GPC5: variants seen among roughly 807,000 people sequenced by gnomAD.
The protein encoded by GPC5 is glypican 5.
In GPC5, 47 loss-of-function variants were observed where a neutral mutation model predicts 53.9. That is an observed-to-expected ratio of 0.87 (90% CI 0.69 to 1.11). The LOEUF is 1.11. GPC5 is among the 50% of genes most tolerant of loss of function. The probability of loss-of-function intolerance (pLI) is 0.00; values close to 1 mark genes in which losing one functional copy is unlikely to be tolerated. For synonymous variants in GPC5, 286 were observed against 263.3 expected (o/e 1.09, Z -0.84); for missense variants, 748 against 713.1 (o/e 1.05, Z -0.56).
intron 1 of GPC5, among the ~76,000 whole-genome samples, chr13:91,430,472 T>A (rs1879366112): frequency 6.6e-6 from 1 of 152,136 alleles, no homozygotes; most frequent in Non-Finnish European, 1.5e-5. Flanking sequence ...CTGAGAGAAG[T>A]TTTTCTTCCT....
intron 7 of GPC5, among the ~76,000 whole-genome samples, chr13:92,507,313 C>G (rs1379873916): frequency 6.6e-6 from 1 of 152,188 alleles, no homozygotes; most frequent in East Asian, 1.9e-4. Context: ...TTACTTTTTT[C>G]TCTTGCCAGC....
intron 2 of GPC5, among the ~76,000 whole-genome samples, chr13:91,565,831 G>T (rs1475342333): frequency 1.3e-5 from 2 of 152,110 alleles, no homozygotes; most frequent in East Asian, 3.9e-4. Context: ...TGAAATCCAG[G>T]TGTCTGTGGG....
chr13:92,136,437 A>G (rs931981485), intron 6 of GPC5, among the ~76,000 whole-genome samples: 4 of 152,178 alleles, frequency 2.6e-5, no homozygotes, highest in African/African-American at 9.7e-5. Flanking sequence ...TAATTTTTCT[A>G]TACCTTCAGT....
At chr13:91,845,323 C>CTTT (rs999579940) in intron 5 of GPC5, among the ~76,000 whole-genome samples, 23 of 151,624 alleles carry the variant, frequency 1.5e-4, no homozygotes, top group African/African-American at 5.6e-4. Flanking sequence ...ATCGTTTAGT[C>CTTT]TTTTTTCAGC....
chr13:91,966,544 A>C (rs569334920), intron 6 of GPC5, among the ~76,000 whole-genome samples: 1 of 152,206 alleles, frequency 6.6e-6, no homozygotes, highest in Non-Finnish European at 1.5e-5. Context: ...TATCATGTTT[A>C]TGTGTAGGAT....
At chr13:92,780,325 A>C (rs1875973146) in intron 7 of GPC5, among the ~76,000 whole-genome samples, 1 of 151,080 alleles carries the variant, frequency 6.6e-6, no homozygotes, top group East Asian at 1.9e-4. Context: ...AGTGTAATTT[A>C]TATTTCACTT....
At chr13:92,572,799 C>A in intron 7 of GPC5, among the ~76,000 whole-genome samples, 1 of 152,070 alleles carries the variant, frequency 6.6e-6, no homozygotes, top group East Asian at 1.9e-4. Flanking sequence ...TATCTGTTAG[C>A]AAAATAACAG....
At chr13:91,517,994 A>G (rs1885594838) in intron 2 of GPC5, among the ~76,000 whole-genome samples, 1 of 152,170 alleles carries the variant, frequency 6.6e-6, no homozygotes, top group African/African-American at 2.4e-5. Context: ...ATTCAAGTTG[A>G]GATTTCGGCG....
At chr13:91,584,795 G>C (rs1437088499) in intron 2 of GPC5, among the ~76,000 whole-genome samples, 1 of 152,096 alleles carries the variant, frequency 6.6e-6, no homozygotes. Context: ...GGCCAGGCTG[G>C]TCTCAAACTC....
intron 7 of GPC5, among the ~76,000 whole-genome samples, chr13:92,654,912 T>C (rs928972790): frequency 3.3e-5 from 5 of 152,174 alleles, no homozygotes; most frequent in Non-Finnish European, 5.9e-5. Context: ...ATATGACTGA[T>C]GTTCTTATAA....
At chr13:92,379,582 C>T (rs549176393) in intron 7 of GPC5, among the ~76,000 whole-genome samples, 1 of 149,838 alleles carries the variant, frequency 6.7e-6, no homozygotes, top group South Asian at 2.1e-4. Flanking sequence ...CCTCTCTGTG[C>T]CCCCTGCATA....
At chr13:92,102,863 G>GT (rs768608089) in intron 6 of GPC5, among the ~76,000 whole-genome samples, 2 of 152,120 alleles carry the variant, frequency 1.3e-5, no homozygotes, top group Non-Finnish European at 2.9e-5. Context: ...TGATGAGGTT[G>GT]TTGTTTGTTT....
chr13:92,246,919 T>C (rs2042655323), intron 7 of GPC5, among the ~76,000 whole-genome samples: 1 of 152,124 alleles, frequency 6.6e-6, no homozygotes, highest in African/African-American at 2.4e-5. Context: ...AATCCCCAAA[T>C]GTCTGTGATA....
At chr13:91,793,734 A>G (rs1321249978) in intron 5 of GPC5, among the ~76,000 whole-genome samples, 2 of 152,132 alleles carry the variant, frequency 1.3e-5, no homozygotes, top group Non-Finnish European at 2.9e-5. Flanking sequence ...GGGGAAGGCA[A>G]AGGAGAAGTA....
intron 6 of GPC5, among the ~76,000 whole-genome samples, chr13:91,972,279 G>A (rs1487496080): frequency 3.9e-5 from 6 of 152,080 alleles, no homozygotes; most frequent in Admixed American, 3.3e-4. Context: ...TCAGAGACTA[G>A]GATTGCAACC....
At chr13:91,970,305 G>A (rs771680273) in intron 6 of GPC5, among the ~76,000 whole-genome samples, 2 of 152,110 alleles carry the variant, frequency 1.3e-5, no homozygotes, top group African/African-American at 2.4e-5. Flanking sequence ...GGAATGGGGA[G>A]ATATTGGCAA....
chr13:91,582,819 T>G (rs2032416429), intron 2 of GPC5, among the ~76,000 whole-genome samples: 1 of 152,026 alleles, frequency 6.6e-6, no homozygotes, highest in Non-Finnish European at 1.5e-5. Flanking sequence ...TCGAGGCCAG[T>G]CTGGCCAACA....
At chr13:91,665,875 G>A (rs1468746381) in intron 2 of GPC5, among the ~76,000 whole-genome samples, 1 of 152,132 alleles carries the variant, frequency 6.6e-6, no homozygotes, top group Non-Finnish European at 1.5e-5. Context: ...CAATATTTGA[G>A]CACAGTCGAG....
chr13:92,409,237 G>C (rs1875938376), intron 7 of GPC5, among the ~76,000 whole-genome samples: 1 of 151,684 alleles, frequency 6.6e-6, no homozygotes, highest in Non-Finnish European at 1.5e-5. Context: ...AGGCAATATT[G>C]ACAGATTTCA....
Sources: gnomAD v4.1 joint callset for allele counts (sites outside exome capture counted in the v4.1 genomes callset) on GRCh38, gnomAD v4.1.1 for gene constraint, MANE v1.5 for transcripts, NCBI Gene and HGNC (gene_info 2026-07-23, HGNC 2026-07-21) for gene names.